The following NFATC2 variants were observed in gnomAD, a reference collection of about 807,000 sequenced individuals.
The protein encoded by NFATC2 is nuclear factor of activated T cells 2.
In NFATC2, 22 loss-of-function variants were observed where a neutral mutation model predicts 87.3. That is an observed-to-expected ratio of 0.25 (90% confidence interval 0.18 to 0.36). NFATC2 has a LOEUF of 0.36. Among genes scored for constraint, NFATC2 ranks in the 10% least tolerant of loss-of-function variants. The pLI is 1.00. For synonymous variants in NFATC2, 565 were observed against 542.2 expected, an observed-to-expected ratio of 1.04 and a Z score of -0.58; for missense variants, 1,149 against 1,259.1, an observed-to-expected ratio of 0.91 and a Z score of 1.32.
In NFATC2 at chr20:51,420,185, A is replaced by G. The variant is rs140147251; in HGVS notation, c.2722+11882T>C. Among the ~76,000 whole-genome samples the G allele has an allele frequency of 5.2e-4, 79 of 152,332 alleles. 1 individual carries two copies. Among genetic ancestry groups the G allele is most frequent in the African/African-American group, 1.8e-3 (75 of 41,574 alleles). On this transcript the variant is annotated intron_variant, in intron 9 of 10. Coordinates refer to ENST00000371564, the MANE Select transcript of NFATC2 (RefSeq NM_012340.5). ...TGTTGATGAAGGAAAGTTTCTCTTT[A>G]TAGAAGTTTTCCAGCTAACAGTAGA...
rs534898497 is a variant in NFATC2 at position 51,400,782 on chromosome 20, T to C, written c.2723-2052A>G. On this transcript the variant is annotated intron_variant, in intron 9 of 10. Transcript: ENST00000371564. ...ACATCTCCGGGGGTGGTGGTGAGAG[T>C]TCCATTTCTCAGGTCAAGTTAGTAA... Among the ~76,000 whole-genome samples, 3 of 151,928 alleles carry C rather than the reference T, an allele frequency of 2.0e-5. No homozygotes were observed. In the South Asian group the frequency reaches 6.3e-4, roughly 32 times the overall value.
chr20:51,499,303 A>G (rs1438372346), intron 3 of NFATC2, among the ~76,000 whole-genome samples: 1 of 152,138 alleles, frequency 6.6e-6, no homozygotes, highest in African/African-American at 2.4e-5. Context: ...GCCCCAGGTG[A>G]CAGAGGGGAG....
chr20:51,509,507 T>C (rs776237351), intron 3 of NFATC2, among the ~76,000 whole-genome samples: 3 of 152,146 alleles, frequency 2.0e-5, no homozygotes, highest in Admixed American at 6.5e-5. Flanking sequence ...CACCACCTCT[T>C]TCCCTTCCCC....
At chr20:51,535,550 G>C (rs542416100) in intron 1 of NFATC2, among the ~76,000 whole-genome samples, 4 of 152,228 alleles carry the variant, frequency 2.6e-5, no homozygotes, top group African/African-American at 7.2e-5. Context: ...CATGTTCCTG[G>C]GGGTGGGCAC....
chr20:51,433,748 T>C (rs879942848), intron 8 of NFATC2, among the ~76,000 whole-genome samples: 1,556 of 141,186 alleles, frequency 0.011, 27 homozygotes, highest in African/African-American at 0.04. Flanking sequence ...TGCGTGTGTG[T>C]TCATGCATGC....
rs76423759 is a variant in NFATC2, at chr20:51,554,862, G to A, written c.70+7698C>T. 3.5e-3 allele frequency among the ~76,000 whole-genome samples: 539 copies of A among 152,334 alleles called. 16 individuals carry two copies. The East Asian group carries it at 0.065, about 18-fold the overall frequency. On this transcript the variant is annotated intron_variant, in intron 1 of 10. Coordinates refer to the NFATC2 transcript ENST00000414705. ...GTCTTCATGACTGCCAGTGATAGCG[G>A]AGGGTGGAGGAGGAGCTGACGAGGG...
intron 9 of NFATC2, among the ~76,000 whole-genome samples, chr20:51,405,472 G>A (rs991485676): frequency 2.6e-5 from 4 of 152,116 alleles, no homozygotes; most frequent in East Asian, 1.9e-4. Flanking sequence ...CTGTTTGCAT[G>A]TGCCATGTTC....
intron 1 of NFATC2, among the ~76,000 whole-genome samples, chr20:51,532,157 T>C (rs563070500): frequency 5.2e-4 from 79 of 152,278 alleles, no homozygotes; most frequent in African/African-American, 1.9e-3. Context: ...GCATCTAGTG[T>C]ATGTTCATAT....
intron 6 of NFATC2, among the ~76,000 whole-genome samples, chr20:51,443,294 G>A (rs757337028): frequency 2.6e-5 from 4 of 152,156 alleles, no homozygotes; most frequent in Non-Finnish European, 4.4e-5. Context: ...CCCAGAGCAG[G>A]GCTATAGCTA....
intron 3 of NFATC2, among the ~76,000 whole-genome samples, chr20:51,504,042 G>A (rs1029721257): frequency 2.4e-4 from 36 of 151,280 alleles, no homozygotes; most frequent in African/African-American, 8.7e-4. Context: ...CTTGTTTTGA[G>A]ATGGAGTCTT....
At chr20:51,427,529 T>C (rs984193637) in intron 9 of NFATC2, among the ~76,000 whole-genome samples, 2 of 152,164 alleles carry the variant, frequency 1.3e-5, no homozygotes, top group Non-Finnish European at 2.9e-5. Context: ...TCGTTTTCAA[T>C]TCACACATCC....
intron 1 of NFATC2, among the ~76,000 whole-genome samples, chr20:51,536,806 T>C (rs983957215): frequency 6.6e-6 from 1 of 152,176 alleles, no homozygotes; most frequent in Non-Finnish European, 1.5e-5. Flanking sequence ...AGGCCTGTCT[T>C]TAACTCAACA....
chr20:51,391,324 G>A lies in NFATC2; in HGVS notation c.*172C>T, dbSNP rs1278781817. ...GGGCTGGGAGATGAACATGAAAGGA[G>A]ACAGAAGGTGAGGGGCTGTGGAGGG... On this transcript the variant is annotated 3_prime_UTR_variant, in exon 11 of 11. Coordinates refer to ENST00000371564, the MANE Select transcript of NFATC2 (RefSeq NM_012340.5). 1.3e-6 allele frequency: 2 copies of A among 1,489,330 alleles called. No homozygotes were observed. The highest frequency in any genetic ancestry group is 2.3e-5 in the East Asian group (1 of 44,360). 92.3% of individuals were successfully genotyped at this position (1,489,330 alleles called of 1,614,324 possible).
rs369804525 is a variant in NFATC2 at position 51,391,241 on chromosome 20, C to T, written c.*255G>A. 16 of 785,024 alleles carry T rather than the reference C, an allele frequency of 2.0e-5. No individual in the cohort carries two copies. Among genetic ancestry groups the T allele is most frequent in the East Asian group, 5.0e-5 (2 of 40,172 alleles). 48.6% of individuals were successfully genotyped at this position (785,024 alleles called of 1,614,324 possible). A position where few individuals can be genotyped will look rare whatever the true frequency, so the allele number is the denominator to read the frequency against. On this transcript the variant is annotated 3_prime_UTR_variant, in exon 11 of 11. Coordinates refer to ENST00000371564, the MANE Select transcript of NFATC2 (RefSeq NM_012340.5). The stretch of plus-strand genomic sequence containing the variant: ...CTCTCTGGTGTTTAGAGGGAGGTGG[C>T]GAGCTCCTTAAGTGAGAGTCCGCTT...
At chr20:51,398,437 C>T (rs1193905740) in intron 10 of NFATC2, among the ~76,000 whole-genome samples, 1 of 152,076 alleles carries the variant, frequency 6.6e-6, no homozygotes, top group East Asian at 1.9e-4. Context: ...ATCCCCCCTT[C>T]TCCCGCCCAA....
In NFATC2 at chr20:51,562,440, TC is replaced by T; in HGVS notation, c.70+119del. The T allele has an allele frequency of 3.5e-6, 3 of 850,346 alleles. No homozygotes were observed. Among genetic ancestry groups the T allele is most frequent in the East Asian group, 2.9e-5 (1 of 33,926 alleles). 52.7% of individuals were successfully genotyped at this position (850,346 alleles called of 1,614,324 possible). On this transcript the variant is annotated intron_variant, in intron 1 of 10. Coordinates refer to the NFATC2 transcript ENST00000414705. The surrounding 1 kb of genome is among the most constrained non-coding windows in gnomAD (Gnocchi z 5.8). Reference sequence around the variant, plus strand: ...ACCTGTGCGCCGAGGGCGAGCGGGGTCCCCAGGCCTCCCGCACCGACCTCTG... The same window carrying T: ...ACCTGTGCGCCGAGGGCGAGCGGGGTCCCAGGCCTCCCGCACCGACCTCTG...
chr20:51,454,427 G>T, intron 6 of NFATC2, 121 bp downstream of exon 6: 1 of 987,728 alleles, frequency 1.0e-6, no homozygotes, highest in Non-Finnish European at 1.5e-6. Context: ...TGAGTAAAAA[G>T]AGCAGGGTAT....
rs2076483321 is a variant in NFATC2, at chr20:51,523,371, G to A, written c.870C>T (p.Ser290=). Residue 290 remains serine (S), a synonymous_variant, in exon 2 of 11, where the codon TCC becomes TCT. Coordinates refer to ENST00000371564, the MANE Select transcript of NFATC2 (RefSeq NM_012340.5). The surrounding 1 kb of genome is among the most constrained non-coding windows in gnomAD (Gnocchi z 6.9). The part of the protein sequence containing the change: ...SSHVAPQDHG[S]PAGYPPVAGS... ...CAGCCACAGGGGGGTACCCAGCCGG[G>A]GAGCCGTGGTCCTGGGGTGCCACGT... 3 of 1,611,280 alleles carry A rather than the reference G, an allele frequency of 1.9e-6. No individual in the cohort carries two copies. Among genetic ancestry groups the A allele is most frequent in the Admixed American group, 1.7e-5 (1 of 59,752 alleles).
chr20:51,487,255 G>A (rs957074691), intron 3 of NFATC2, among the ~76,000 whole-genome samples: 8 of 152,214 alleles, frequency 5.3e-5, no homozygotes, highest in African/African-American at 1.7e-4. Flanking sequence ...CCCTGACCGT[G>A]CCCAGCATGG....
Sources: allele counts gnomAD v4.1 joint callset (sites outside exome capture counted in the v4.1 genomes callset), GRCh38; gene constraint gnomAD v4.1.1; non-coding constraint Gnocchi (gnomAD v3.1); transcripts MANE v1.5; gene names NCBI Gene and HGNC (gene_info 2026-07-23, HGNC 2026-07-21).